KANK1: variants seen among roughly 807,000 people sequenced by gnomAD.
KANK1 encodes the protein KN motif and ankyrin repeat domains 1.
KANK1 carries 109 observed loss-of-function variants against 106.2 expected under a neutral mutation model. The observed-to-expected ratio is 1.03, with a 90% CI of 0.88 to 1.20. The LOEUF is 1.20. Among genes scored for constraint, KANK1 ranks in the 50% most tolerant of loss-of-function variants. The pLI is 0.00. For missense variants in KANK1, 2,399 were observed against 1,710.7 expected (o/e 1.40, Z -7.10); for synonymous variants, 873 against 652.2 (o/e 1.34, Z -5.16).
In KANK1 at chr9:711,724, A is replaced by G. The variant is rs1018411138; in HGVS notation, c.958A>G (p.Arg320Gly). ...ATCCCAGATCAATGTCTGTGGTGTGAGGAAGCGGTCCTATAGTGCGGGGAA... is the reference window on the plus strand; with the variant it reads ...ATCCCAGATCAATGTCTGTGGTGTGGGGAAGCGGTCCTATAGTGCGGGGAA... ...AASQINVCGV[R>G]KRSYSAGNAS... is the part of the protein sequence containing the mutation. Residue 320 changes from arginine (R) to glycine (G), a missense_variant, in exon 3 of 12, where the codon AGG (arginine) becomes GGG (glycine). Transcript: ENST00000382297. 1 of 1,614,214 alleles carries G rather than the reference A, an allele frequency of 6.2e-7. No homozygotes were observed. Among genetic ancestry groups the G allele is most frequent in the Non-Finnish European group, 8.5e-7 (1 of 1,180,018 alleles).
intron 2 of KANK1, among the ~76,000 whole-genome samples, chr9:690,324 A>C (rs1819618003): frequency 6.6e-6 from 1 of 151,662 alleles, no homozygotes; most frequent in South Asian, 2.1e-4. Flanking sequence ...GAAAAAAAAA[A>C]AAAAGGCTAC....
chr9:527,665 C>T (rs1454244530), intron 1 of KANK1, among the ~76,000 whole-genome samples: 1 of 151,010 alleles, frequency 6.6e-6, no homozygotes, highest in African/African-American at 2.5e-5. Context: ...GGGAGATAGT[C>T]TCCTTGAGAT....
rs76115484 is a variant in KANK1, at chr9:609,827, A to G, written c.-83-67063A>G. Among the ~76,000 whole-genome samples the G allele has an allele frequency of 1.6e-3, 241 of 152,244 alleles. 5 individuals carry two copies. The highest frequency in any genetic ancestry group is 5.4e-3 in the African/African-American group (225 of 41,532). Reference sequence around the variant, plus strand: ...ATTATTTTTTCTCAGGCTACTTTCTAGTAAGTATTTTATATTTATTCACTA... The same window carrying G: ...ATTATTTTTTCTCAGGCTACTTTCTGGTAAGTATTTTATATTTATTCACTA... On this transcript the variant is annotated intron_variant, in intron 1 of 11. Transcript: ENST00000382297.
intron 1 of KANK1, among the ~76,000 whole-genome samples, chr9:652,846 G>A (rs1841220955): frequency 6.6e-6 from 1 of 152,122 alleles, no homozygotes; most frequent in Non-Finnish European, 1.5e-5. Flanking sequence ...TTTAGTACTA[G>A]TACATGGAGA....
chr9:744,756 C>T, intron 11 of KANK1, 167 bp downstream of exon 11: 1 of 1,507,682 alleles, frequency 6.6e-7, no homozygotes, highest in South Asian at 1.3e-5. Flanking sequence ...CCGCAAAAAG[C>T]AGGAGAACTA....
intron 1 of KANK1, among the ~76,000 whole-genome samples, chr9:524,982 C>CT (rs35377139): frequency 0.17 from 15,588 of 91,604 alleles, 2,975 homozygotes; most frequent in East Asian, 0.32. Flanking sequence ...CTCTTGCTGC[C>CT]TTTTTTTTTT....
At chr9:663,488 C>T (rs1274224928) in intron 1 of KANK1, among the ~76,000 whole-genome samples, 3 of 152,138 alleles carry the variant, frequency 2.0e-5, no homozygotes, top group African/African-American at 4.8e-5. Flanking sequence ...TATTTTCCTC[C>T]CAAGTCAGGA....
Position 711,686 on chromosome 9 carries a change from A to AC in KANK1, c.922dup (p.Gln308ProfsTer18), listed in dbSNP as rs1398904107. 6.2e-7 allele frequency: 1 copy of AC among 1,613,976 alleles called. No homozygotes were observed. The highest frequency in any genetic ancestry group is 1.3e-5 in the African/African-American group (1 of 74,904). ...AGGCAGTTGGTCTCACAGCTGAAAA[A>AC]CCAAAGGGCTGCATCCCAGATCAAT... On this transcript the variant is annotated frameshift_variant, in exon 3 of 12. Coordinates refer to ENST00000382297, the MANE Select transcript of KANK1 (RefSeq NM_015158.5). LOFTEE classifies it high-confidence loss of function.
intron 2 of KANK1, among the ~76,000 whole-genome samples, chr9:699,798 T>C (rs988488967): frequency 2.0e-5 from 3 of 152,198 alleles, no homozygotes; most frequent in African/African-American, 7.2e-5. Context: ...CTGGGCAACA[T>C]AGTGGGACCC....
At chr9:573,372 C>T (rs1201312198) in intron 1 of KANK1, among the ~76,000 whole-genome samples, 1 of 152,100 alleles carries the variant, frequency 6.6e-6, no homozygotes, top group East Asian at 1.9e-4. Flanking sequence ...TGGGTTCACG[C>T]CATTCTCTTG....
At chr9:558,008 A>C (rs191760662) in intron 1 of KANK1, among the ~76,000 whole-genome samples, 1 of 151,012 alleles carries the variant, frequency 6.6e-6, no homozygotes, top group Non-Finnish European at 1.5e-5. Flanking sequence ...CTCTCAAAAA[A>C]CAAACAAACA....
intron 1 of KANK1, among the ~76,000 whole-genome samples, chr9:528,513 ACT>A (rs1467149427): frequency 1.7e-5 from 2 of 115,172 alleles, no homozygotes; most frequent in Admixed American, 2.3e-4. Flanking sequence ...ACGGAGTCTC[ACT>A]CTGTCACCCA....
At chr9:563,525 A>C (rs1322280983) in intron 1 of KANK1, among the ~76,000 whole-genome samples, 1 of 152,230 alleles carries the variant, frequency 6.6e-6, no homozygotes, top group Non-Finnish European at 1.5e-5. Flanking sequence ...AATAAGCCTC[A>C]TAAGTACTTT....
At chr9:658,494 A>C (rs1013291409) in intron 1 of KANK1, among the ~76,000 whole-genome samples, 1 of 152,112 alleles carries the variant, frequency 6.6e-6, no homozygotes, top group African/African-American at 2.4e-5. Flanking sequence ...TGTAATTTTG[A>C]TGAAGACCGC....
At chr9:658,663 G>C (rs145876140) in intron 1 of KANK1, among the ~76,000 whole-genome samples, 20 of 152,136 alleles carry the variant, frequency 1.3e-4, no homozygotes, top group African/African-American at 4.6e-4. Context: ...GTATAAGACA[G>C]ACGGTTAAGA....
intron 1 of KANK1, among the ~76,000 whole-genome samples, chr9:644,128 A>G (rs1316847691): frequency 1.3e-5 from 2 of 151,060 alleles, no homozygotes; most frequent in African/African-American, 5.0e-5. Flanking sequence ...GAATGCTAAT[A>G]ATGTGGTAAT....
intron 1 of KANK1, among the ~76,000 whole-genome samples, chr9:662,446 C>A (rs1263025107): frequency 2.0e-5 from 3 of 152,054 alleles, no homozygotes; most frequent in African/African-American, 7.3e-5. Flanking sequence ...GCTTCGGTAA[C>A]CAAAACAGCA....
At chr9:693,324 A>C (rs1022821193) in intron 2 of KANK1, 33 of 919,644 alleles carry the variant, frequency 3.6e-5, no homozygotes, top group Non-Finnish European at 4.3e-5. Context: ...CTCAAATTGT[A>C]ACAGAGAGCC....
At chr9:518,485 T>C (rs529741614) in intron 1 of KANK1, among the ~76,000 whole-genome samples, 1 of 151,810 alleles carries the variant, frequency 6.6e-6, no homozygotes, top group East Asian at 1.9e-4. Context: ...TCTGATTCGA[T>C]GTAGGGGAGG....
Sources: allele counts gnomAD v4.1 joint callset (sites outside exome capture counted in the v4.1 genomes callset), GRCh38; gene constraint gnomAD v4.1.1; transcripts MANE v1.5; gene names NCBI Gene and HGNC (gene_info 2026-07-23, HGNC 2026-07-21).